The following UNC13C variants were observed in gnomAD, a reference collection of about 807,000 sequenced individuals.
The protein encoded by UNC13C is protein unc-13 homolog C.
A neutral mutation model predicts 245.4 loss-of-function variants in UNC13C; 174 were observed. The ratio of observed to expected loss-of-function variants is 0.71; its 90% CI spans 0.63 to 0.80. The LOEUF (loss-of-function observed/expected upper bound fraction) is 0.80, where lower values mean the gene tolerates loss of function less well. UNC13C is among the 30% of genes least tolerant of loss of function. UNC13C has a pLI of 0.00. For missense variants in UNC13C, 2,829 were observed against 2,602.9 expected (o/e 1.09, Z -1.89); for synonymous variants, 992 against 895.1 (o/e 1.11, Z -1.93).
chr15:54,075,348 G>C (rs1382480305), intron 2 of UNC13C, among the ~76,000 whole-genome samples: 1 of 151,898 alleles, frequency 6.6e-6, no homozygotes, highest in Non-Finnish European at 1.5e-5. Flanking sequence ...AGCCAGGCCT[G>C]GCGGCAGGTG....
chr15:54,105,216 G>A (rs72742569), intron 2 of UNC13C, among the ~76,000 whole-genome samples: 13 of 152,250 alleles, frequency 8.5e-5, no homozygotes, highest in Non-Finnish European at 1.8e-4. Flanking sequence ...AATTTCTCAT[G>A]AGAATAAACC....
intron 1 of UNC13C, among the ~76,000 whole-genome samples, chr15:54,010,739 A>T (rs555864464): frequency 1.3e-5 from 2 of 152,204 alleles, no homozygotes; most frequent in Non-Finnish European, 2.9e-5. Context: ...CGTCGGATAC[A>T]ATTGCCATAG....
intron 4 of UNC13C, among the ~76,000 whole-genome samples, chr15:54,192,985 T>C (rs184916110): frequency 6.5e-4 from 99 of 152,178 alleles, no homozygotes; most frequent in Middle Eastern, 3.4e-3. Flanking sequence ...ATTTTTTAAA[T>C]GGAAACTCAA....
the UNC13C span, among the ~76,000 whole-genome samples, chr15:53,876,825 TA>T: frequency 6.6e-6 from 1 of 152,282 alleles, no homozygotes; most frequent in African/African-American, 2.4e-5. Context: ...AAACCACAAA[TA>T]AATACAGAGA....
chr15:54,389,017 G>A lies in UNC13C; in HGVS notation c.4714-4031G>A, dbSNP rs112918076. Reference sequence around the variant, plus strand: ...TCATTTAGAACACAAATGTAACCAAGTAATCCTATGTTTAAAATCTTTTAA... The same window carrying A: ...TCATTTAGAACACAAATGTAACCAAATAATCCTATGTTTAAAATCTTTTAA... On this transcript the variant is annotated intron_variant, in intron 17 of 32. Transcript: ENST00000260323. Among the ~76,000 whole-genome samples the A allele has an allele frequency of 8.5e-5, 13 of 152,164 alleles. 4 individuals are homozygous for A. Among genetic ancestry groups the A allele is most frequent in the African/African-American group, 3.1e-4 (13 of 41,518 alleles).
the UNC13C span, among the ~76,000 whole-genome samples, chr15:53,850,786 C>T: frequency 6.6e-6 from 1 of 151,386 alleles, no homozygotes; most frequent in South Asian, 2.1e-4. Flanking sequence ...GTTCTCTCTT[C>T]TCTCTTATAA....
At chr15:54,342,752 G>T (rs2038764508) in intron 17 of UNC13C, among the ~76,000 whole-genome samples, 1 of 152,166 alleles carries the variant, frequency 6.6e-6, no homozygotes, top group African/African-American at 2.4e-5. Flanking sequence ...GTTTCATATA[G>T]TATATTTCTG....
At chr15:53,890,298 C>T in the UNC13C span, among the ~76,000 whole-genome samples, 189 of 152,214 alleles carry the variant, frequency 1.2e-3, no homozygotes, top group Non-Finnish European at 2.4e-3. Flanking sequence ...CCTGCCATCA[C>T]GCCCAGCTAA....
intron 27 of UNC13C, among the ~76,000 whole-genome samples, chr15:54,547,095 A>G (rs1443820089): frequency 1.3e-5 from 2 of 152,214 alleles, no homozygotes; most frequent in Non-Finnish European, 2.9e-5. Flanking sequence ...TCAAAGTTCT[A>G]TTTATAGTGT....
chr15:54,117,288 A>C (rs944323663), intron 2 of UNC13C, among the ~76,000 whole-genome samples: 2 of 151,784 alleles, frequency 1.3e-5, no homozygotes, highest in African/African-American at 4.8e-5. Flanking sequence ...GATGTAACCC[A>C]ATTTTTTTAT....
chr15:53,940,912 C>G, the UNC13C span, among the ~76,000 whole-genome samples: 1 of 152,068 alleles, frequency 6.6e-6, no homozygotes, highest in Non-Finnish European at 1.5e-5. Flanking sequence ...CAATGCTATT[C>G]CTATTAAACT....
At chr15:54,322,944 G>C (rs1253548736) in intron 14 of UNC13C, among the ~76,000 whole-genome samples, 1 of 151,810 alleles carries the variant, frequency 6.6e-6, no homozygotes, top group Non-Finnish European at 1.5e-5. Flanking sequence ...CCAGGTTTCT[G>C]GTCAGGGCAA....
chr15:54,462,425 G>A (rs2141027363), intron 19 of UNC13C, among the ~76,000 whole-genome samples: 1 of 152,290 alleles, frequency 6.6e-6, no homozygotes, highest in Admixed American at 6.5e-5. Flanking sequence ...GGTTGGAGCT[G>A]GCTCCCTCTG....
intron 2 of UNC13C, among the ~76,000 whole-genome samples, chr15:54,102,103 G>A (rs1399066154): frequency 1.3e-5 from 2 of 149,334 alleles, no homozygotes; most frequent in Non-Finnish European, 3.0e-5. Flanking sequence ...CATATTATAA[G>A]TGACTCACTT....
At chr15:54,444,452 T>A (rs369249067) in intron 19 of UNC13C, among the ~76,000 whole-genome samples, 2 of 151,888 alleles carry the variant, frequency 1.3e-5, no homozygotes, top group East Asian at 3.9e-4. Flanking sequence ...AGGCATGATA[T>A]AACTGTATCA....
chr15:54,301,859 A>G (rs1181930821), intron 13 of UNC13C, among the ~76,000 whole-genome samples: 2 of 152,142 alleles, frequency 1.3e-5, no homozygotes, highest in Non-Finnish European at 2.9e-5. Context: ...TTGAGGAATC[A>G]CCACACTGTG....
At chr15:54,264,757 T>C (rs1007162427) in intron 9 of UNC13C, among the ~76,000 whole-genome samples, 8 of 151,918 alleles carry the variant, frequency 5.3e-5, no homozygotes, top group African/African-American at 1.9e-4. Flanking sequence ...TTATTTTACT[T>C]ACTCCTGGCT....
chr15:54,241,896 A>C lies in UNC13C; in HGVS notation c.3228+4206A>C, dbSNP rs938449034. Among the ~76,000 whole-genome samples the C allele has an allele frequency of 2.0e-5, 3 of 152,176 alleles. No individual in the cohort carries two copies. The East Asian group carries it at 5.8e-4, about 29-fold the overall frequency. ...AAGCCAGCAATAATGACACCAAAGT[A>C]AAGATTATCTCTTGTCTGCAAGTAT... On this transcript the variant is annotated intron_variant, in intron 7 of 32. Transcript: ENST00000260323.
At chr15:54,004,142 C>T (rs1046880229) in intron 1 of UNC13C, among the ~76,000 whole-genome samples, 1 of 152,156 alleles carries the variant, frequency 6.6e-6, no homozygotes, top group East Asian at 1.9e-4. Flanking sequence ...TAACCATCTG[C>T]ATCTTCCTTC....
Sources: gnomAD v4.1 joint callset for allele counts (sites outside exome capture counted in the v4.1 genomes callset) on GRCh38, gnomAD v4.1.1 for gene constraint, MANE v1.5 for transcripts, NCBI Gene and HGNC (gene_info 2026-07-23, HGNC 2026-07-21) for gene names.